The following GNG7 variants were observed in gnomAD, a reference collection of about 807,000 sequenced individuals.
The protein encoded by GNG7 is G protein subunit gamma 7.
A neutral mutation model predicts 4.0 loss-of-function variants in GNG7; 1 was observed. The observed-to-expected ratio is 0.25, with a 90% confidence interval of 0.09 to 1.18. GNG7 has a LOEUF of 1.18. Among genes scored for constraint, GNG7 ranks in the 50% most tolerant of loss-of-function variants. GNG7 has a pLI of 0.50. For missense variants in GNG7, 86 were observed against 91.9 expected, an observed-to-expected ratio of 0.94 and a Z score of 0.26; for synonymous variants, 34 against 36.9, an observed-to-expected ratio of 0.92 and a Z score of 0.29.
chr19:2,547,026 A>T (rs1979150975), intron 3 of GNG7, among the ~76,000 whole-genome samples: 1 of 151,914 alleles, frequency 6.6e-6, no homozygotes, highest in Non-Finnish European at 1.5e-5. Context: ...AACAGAGGGC[A>T]GTACCGGGCC....
intron 2 of GNG7, among the ~76,000 whole-genome samples, chr19:2,640,155 CAGAG>C (rs1315048067): frequency 1.1e-5 from 1 of 93,832 alleles, no homozygotes; most frequent in Non-Finnish European, 2.0e-5. Flanking sequence ...AAGGAAGCGG[CAGAG>C]GGAGGGAGAT....
intron 2 of GNG7, among the ~76,000 whole-genome samples, chr19:2,566,563 GC>G (rs1276688676): frequency 6.6e-6 from 1 of 152,192 alleles, no homozygotes; most frequent in African/African-American, 2.4e-5. Flanking sequence ...CAGAACTGGG[GC>G]CACAGCAATG....
chr19:2,598,031 T>G lies in GNG7; in HGVS notation c.-77-42843A>C, dbSNP rs183503151. Among the ~76,000 whole-genome samples, 818 of 152,188 alleles carry G rather than the reference T, an allele frequency of 5.4e-3. 7 individuals are homozygous for G. The highest frequency in any genetic ancestry group is 0.019 in the African/African-American group (784 of 41,504). On this transcript the variant is annotated intron_variant, in intron 2 of 4. Coordinates refer to ENST00000382159, the MANE Select transcript of GNG7 (RefSeq NM_052847.3). ...GTAGGAAAAGTCTAGGGAGTTTCAG[T>G]GGTTAGACGACAATGACCAGGACAA...
rs1443989707 is a variant in GNG7 at position 2,609,951 on chromosome 19, C to T, written c.-78+36273G>A. ...GCGTGCACCTTAAACGGCCAAGGTC[C>T]GTCACTACCACCGAGCACCTGCCAG... On this transcript the variant is annotated intron_variant, in intron 2 of 4. Coordinates refer to ENST00000382159, the MANE Select transcript of GNG7 (RefSeq NM_052847.3). This position sits in a 1 kb window ranked among gnomAD's most constrained non-coding sequence, Gnocchi z 4.4. 1.3e-5 allele frequency among the ~76,000 whole-genome samples: 2 copies of T among 151,844 alleles called. No individual in the cohort carries two copies. Among genetic ancestry groups the T allele is most frequent in the African/African-American group, 2.4e-5 (1 of 41,332 alleles).
intron 1 of GNG7, among the ~76,000 whole-genome samples, chr19:2,667,916 A>G (rs2144885568): frequency 7.1e-6 from 1 of 140,626 alleles, no homozygotes; most frequent in South Asian, 2.3e-4. Context: ...CTGTCTCCCA[A>G]AAAAAGAAAA....
chr19:2,585,801 C>G (rs866101860), intron 2 of GNG7, among the ~76,000 whole-genome samples: 1 of 152,168 alleles, frequency 6.6e-6, no homozygotes, highest in East Asian at 1.9e-4. Flanking sequence ...CCCGGGTTCA[C>G]GCCATTCTCC....
chr19:2,656,407 G>A (rs535874474), intron 1 of GNG7, among the ~76,000 whole-genome samples: 2 of 152,312 alleles, frequency 1.3e-5, no homozygotes, highest in East Asian at 3.9e-4. Context: ...TTCAAGACCA[G>A]CCTGGCCAAC....
intron 3 of GNG7, among the ~76,000 whole-genome samples, chr19:2,522,809 C>T (rs2144730105): frequency 6.7e-6 from 1 of 150,242 alleles, no homozygotes. Context: ...GCATACCACA[C>T]CGCAGGGGAA....
At chr19:2,518,961 A>C (rs1978294714) in intron 4 of GNG7, among the ~76,000 whole-genome samples, 1 of 151,534 alleles carries the variant, frequency 6.6e-6, no homozygotes. Context: ...ACGCCTGGCT[A>C]ATTTTTTTGT....
chr19:2,692,584 G>A (rs369584137), intron 1 of GNG7, among the ~76,000 whole-genome samples: 3 of 149,962 alleles, frequency 2.0e-5, no homozygotes, highest in Non-Finnish European at 3.0e-5. Flanking sequence ...GCAGTGAGCC[G>A]AGATCGCGCC....
At position 2,568,208 on chromosome 19, in the gene GNG7, TACAC is replaced by T. The variant is rs1039915018; in HGVS notation, c.-77-13024_-77-13021del. Among the ~76,000 whole-genome samples, 17 of 136,770 alleles carry T rather than the reference TACAC, an allele frequency of 1.2e-4. No homozygotes were observed. The East Asian group carries it at 1.3e-3, about 11-fold the overall frequency. 89.7% of individuals were successfully genotyped at this position (136,770 alleles called of 152,430 possible). The stretch of plus-strand genomic sequence containing the variant: ...ATGCACATACACACACATATAGACA[TACAC>T]ATACAGACATGCACACACGTGCACA... On this transcript the variant is annotated intron_variant, in intron 2 of 4. Transcript: ENST00000382159.
chr19:2,545,064 G>A (rs1979081018), intron 3 of GNG7, among the ~76,000 whole-genome samples: 1 of 152,078 alleles, frequency 6.6e-6, no homozygotes, highest in Non-Finnish European at 1.5e-5. Context: ...GCAGCCTCCT[G>A]GGACCTCAGC....
At chr19:2,655,449 A>G (rs1194976124) in intron 1 of GNG7, among the ~76,000 whole-genome samples, 1 of 152,202 alleles carries the variant, frequency 6.6e-6, no homozygotes, top group Non-Finnish European at 1.5e-5. Context: ...GCGGTGGCTC[A>G]TATCTGTCAT....
At chr19:2,674,413 G>A (rs1983541973) in intron 1 of GNG7, among the ~76,000 whole-genome samples, 1 of 150,916 alleles carries the variant, frequency 6.6e-6, no homozygotes, top group Non-Finnish European at 1.5e-5. Flanking sequence ...CTCCAAAGGT[G>A]ACTGGTGTTT....
rs1394178219 is a variant in GNG7 at position 2,653,978 on chromosome 19, G to GC, written c.-134-7699dup. On this transcript the variant is annotated intron_variant, in intron 1 of 4. Transcript: ENST00000382159. The surrounding 1 kb of genome is among the most constrained non-coding windows in gnomAD (Gnocchi z 4.8). ...CCAGAAGATGTGCCCAGCACCCTGGGCCCCCCACCGCCGGGTCTGGGACAC... is the reference window on the plus strand; with the variant it reads ...CCAGAAGATGTGCCCAGCACCCTGGGCCCCCCCACCGCCGGGTCTGGGACAC... Among the ~76,000 whole-genome samples the GC allele has an allele frequency of 6.6e-6, 1 of 152,158 alleles. No homozygotes were observed. Among genetic ancestry groups the GC allele is most frequent in the Non-Finnish European group, 1.5e-5 (1 of 68,026 alleles).
chr19:2,520,764 T>C, intron 3 of GNG7, 39 bp from the exon 4 acceptor site: 1 of 922,378 alleles, frequency 1.1e-6, no homozygotes, highest in Non-Finnish European at 1.7e-6. Context: ...AAAGTTCAGG[T>C]CAGGCCTCTG....
At chr19:2,544,990 G>A (rs1979078403) in intron 3 of GNG7, among the ~76,000 whole-genome samples, 1 of 152,156 alleles carries the variant, frequency 6.6e-6, no homozygotes, top group African/African-American at 2.4e-5. Context: ...TGAACCAGGG[G>A]GACCCCCAAC....
Position 2,628,219 on chromosome 19 carries a change from C to A in GNG7, c.-78+18005G>T, listed in dbSNP as rs574593658. ...AAGAGTCTGGCTTAACTGGGTCCCC[C>A]GCTCAGAGTCTTATAAGCCTAAAAT... On this transcript the variant is annotated intron_variant, in intron 2 of 4. Coordinates refer to ENST00000382159, the MANE Select transcript of GNG7 (RefSeq NM_052847.3). Among the ~76,000 whole-genome samples, 5 of 152,314 alleles carry A rather than the reference C, an allele frequency of 3.3e-5. No homozygotes were observed. The East Asian group carries it at 9.6e-4, about 29-fold the overall frequency.
At chr19:2,545,275 A>G (rs1462977350) in intron 3 of GNG7, among the ~76,000 whole-genome samples, 1 of 152,160 alleles carries the variant, frequency 6.6e-6, no homozygotes, top group Non-Finnish European at 1.5e-5. Flanking sequence ...TGCAGTGCCC[A>G]GGACAGGCCC....
Sources: allele counts gnomAD v4.1 joint callset (sites outside exome capture counted in the v4.1 genomes callset), GRCh38; gene constraint gnomAD v4.1.1; non-coding constraint Gnocchi (gnomAD v3.1); transcripts MANE v1.5; gene names NCBI Gene and HGNC (gene_info 2026-07-23, HGNC 2026-07-21).